The following MTNAP1 variants were observed in gnomAD, a reference collection of about 807,000 sequenced individuals.
The protein encoded by MTNAP1 is mitochondrial nucleoid associated protein 1.
chr17:73,233,935 C>T, the MTNAP1 span, among the ~76,000 whole-genome samples: 1 of 151,344 alleles, frequency 6.6e-6, no homozygotes, highest in African/African-American at 2.4e-5. Context: ...TGGCAGAAAA[C>T]AGTTTTGTTT....
the MTNAP1 span, chr17:73,236,812 T>C: frequency 6.2e-7 from 1 of 1,614,068 alleles, no homozygotes; most frequent in South Asian, 1.1e-5. Context: ...TCAGAGCCCC[T>C]TCACCAATCA....
At chr17:73,239,456 C>T in the MTNAP1 span, among the ~76,000 whole-genome samples, 1 of 152,010 alleles carries the variant, frequency 6.6e-6, no homozygotes, top group African/African-American at 2.4e-5. Flanking sequence ...ATCCTCATAA[C>T]AGCTCTGAGT....
the MTNAP1 span, chr17:73,245,299 GA>G: frequency 2.1e-6 from 3 of 1,452,796 alleles, no homozygotes; most frequent in African/African-American, 2.9e-5. Flanking sequence ...GGGACAGGGA[GA>G]GGGGAGTGAA....
the MTNAP1 span, among the ~76,000 whole-genome samples, chr17:73,238,028 C>T: frequency 2.0e-5 from 3 of 152,144 alleles, no homozygotes; most frequent in Non-Finnish European, 2.9e-5. Context: ...AAAGACTGAA[C>T]GTTGAAACTC....
the MTNAP1 span, chr17:73,236,195 G>C: frequency 6.2e-7 from 1 of 1,614,136 alleles, no homozygotes; most frequent in African/African-American, 1.3e-5. Context: ...GTCAGTGATG[G>C]GGTTAAAAGG....
chr17:73,235,085 G>A, the MTNAP1 span, among the ~76,000 whole-genome samples: 2 of 150,774 alleles, frequency 1.3e-5, no homozygotes, highest in Non-Finnish European at 2.9e-5. Flanking sequence ...AGTCAGGCGT[G>A]GTGGCATGCC....
chr17:73,234,474 C>T, the MTNAP1 span, among the ~76,000 whole-genome samples: 84 of 151,974 alleles, frequency 5.5e-4, no homozygotes, highest in Non-Finnish European at 1.1e-3. Flanking sequence ...GGGCAGATCA[C>T]GAAGTCAGGA....
chr17:73,235,111 A>G, the MTNAP1 span, among the ~76,000 whole-genome samples: 2 of 115,316 alleles, frequency 1.7e-5, no homozygotes, highest in African/African-American at 3.2e-5. Context: ...AGTCCCAACT[A>G]CTTGGGAGGC....
the MTNAP1 span, among the ~76,000 whole-genome samples, chr17:73,240,715 C>T: frequency 2.4e-4 from 37 of 152,342 alleles, no homozygotes; most frequent in Non-Finnish European, 4.4e-4. Context: ...CTAACAGTTA[C>T]TGAATTAACT....
the MTNAP1 span, chr17:73,248,311 C>T: frequency 1.7e-4 from 100 of 604,084 alleles, 1 homozygote; most frequent in Middle Eastern, 3.4e-4. Flanking sequence ...AGGTGTGAGG[C>T]GGGGTAACTA....
At chr17:73,236,749 G>A in the MTNAP1 span, 1 of 1,614,172 alleles carries the variant, frequency 6.2e-7, no homozygotes, top group Non-Finnish European at 8.5e-7. Context: ...TCAGTTCCAA[G>A]CATCACACAC....
the MTNAP1 span, chr17:73,247,759 G>A: frequency 6.2e-6 from 1 of 162,188 alleles, no homozygotes; most frequent in Non-Finnish European, 1.3e-5. Context: ...ACATATAGTA[G>A]GAAACAACAA....
the MTNAP1 span, among the ~76,000 whole-genome samples, chr17:73,240,963 T>C: frequency 1.3e-5 from 2 of 152,222 alleles, no homozygotes; most frequent in East Asian, 3.8e-4. Flanking sequence ...TTTTCATTGT[T>C]CTTTAATGAT....
At chr17:73,247,395 C>A in the MTNAP1 span, 1 of 1,565,164 alleles carries the variant, frequency 6.4e-7, no homozygotes, top group Non-Finnish European at 8.8e-7. Flanking sequence ...TGCCTTCGTG[C>A]CCTGTGTTGC....
the MTNAP1 span, chr17:73,242,286 A>T: frequency 6.2e-7 from 1 of 1,606,546 alleles, no homozygotes; most frequent in Non-Finnish European, 8.5e-7. Flanking sequence ...AGGAGTTTGG[A>T]ACCCCCTGCC....
the MTNAP1 span, among the ~76,000 whole-genome samples, chr17:73,233,570 G>A: frequency 2.6e-5 from 4 of 152,208 alleles, no homozygotes; most frequent in East Asian, 7.7e-4. Flanking sequence ...GCTCACGCCT[G>A]TAATCCCAGC....
chr17:73,235,994 C>T, the MTNAP1 span: 26 of 1,614,062 alleles, frequency 1.6e-5, no homozygotes, highest in African/African-American at 2.7e-5. Context: ...GAAGCTGGAG[C>T]GTCTTTACTG....
At chr17:73,232,931 C>G in the MTNAP1 span, 1 of 152,206 alleles carries the variant, frequency 6.6e-6, no homozygotes, top group Non-Finnish European at 1.5e-5. Context: ...ACCCCATCCA[C>G]TCCGCAGAAT....
chr17:73,243,983 T>C, the MTNAP1 span, among the ~76,000 whole-genome samples: 1 of 152,194 alleles, frequency 6.6e-6, no homozygotes, highest in African/African-American at 2.4e-5. Context: ...GAAGGAGGAA[T>C]AGAATACAGC....
Sources: allele counts gnomAD v4.1 joint callset (sites outside exome capture counted in the v4.1 genomes callset), GRCh38; gene constraint gnomAD v4.1.1; transcripts MANE v1.5; gene names NCBI Gene and HGNC (gene_info 2026-07-23, HGNC 2026-07-21).